The following ATP13A5 variants were observed in gnomAD, a reference collection of about 807,000 sequenced individuals.
ATP13A5 encodes the protein probable cation-transporting ATPase 13A5.
ATP13A5 carries 149 observed loss-of-function variants against 150.2 expected under a neutral mutation model. The observed-to-expected ratio is 0.99, with a 90% CI of 0.87 to 1.14. ATP13A5 has a LOEUF of 1.14. ATP13A5 is among the 50% of genes most tolerant of loss of function. The probability of loss-of-function intolerance (pLI) is 0.00; values close to 1 mark genes in which losing one functional copy is unlikely to be tolerated. For synonymous variants in ATP13A5, 497 were observed against 522.2 expected (o/e 0.95, Z 0.66); for missense variants, 1,383 against 1,449.3 (o/e 0.95, Z 0.74).
At chr3:193,320,141 G>C (rs9827949) in intron 16 of ATP13A5, among the ~76,000 whole-genome samples, 1 of 152,170 alleles carries the variant, frequency 6.6e-6, no homozygotes, top group South Asian at 2.1e-4. Flanking sequence ...AGCTTAGGTG[G>C]CAAATCAACT....
intron 1 of ATP13A5, among the ~76,000 whole-genome samples, chr3:193,373,643 C>T (rs1385837327): frequency 6.6e-6 from 1 of 152,114 alleles, no homozygotes; most frequent in African/African-American, 2.4e-5. Context: ...CATAAATGAA[C>T]CACTTATTTT....
At chr3:193,365,053 T>C (rs1420153851) in intron 1 of ATP13A5, among the ~76,000 whole-genome samples, 2 of 152,178 alleles carry the variant, frequency 1.3e-5, no homozygotes, top group African/African-American at 4.8e-5. Flanking sequence ...TGATGTTTCA[T>C]AGCATTGTTT....
At chr3:193,374,640 GACACACAC>G (rs113705500) in intron 1 of ATP13A5, among the ~76,000 whole-genome samples, 20 of 93,226 alleles carry the variant, frequency 2.1e-4, no homozygotes, top group South Asian at 1.8e-3. Flanking sequence ...GTAAGACCAT[GACACACAC>G]ACACACACAC....
At chr3:193,371,853 A>G (rs1173364200) in intron 1 of ATP13A5, among the ~76,000 whole-genome samples, 2 of 152,118 alleles carry the variant, frequency 1.3e-5, no homozygotes, top group Admixed American at 1.3e-4. Context: ...TGTGGATTAT[A>G]CCTGTAAAGT....
Position 193,345,062 on chromosome 3 carries a change from A to G in ATP13A5, c.755T>C (p.Leu252Pro), listed in dbSNP as rs1272126165. ...VYDLRQQSVK[L>P]HNLVEDHNKV... The stretch of plus-strand genomic sequence containing the variant: ...GTTGTGGTCCTCCACGAGGTTATGC[A>G]GCTTAACTGATTGCTACCAAGTAAA... Residue 252 changes from leucine (L) to proline (P), a missense_variant, in exon 8 of 30, where the codon CTG becomes CCG. Around this residue, in one of 3 missense-constraint regions of ATP13A5, gnomAD observed 787 missense variants for 771.9 expected, o/e 1.02. Coordinates refer to ENST00000342358, the MANE Select transcript of ATP13A5 (RefSeq NM_198505.4). 6.2e-7 allele frequency: 1 copy of G among 1,613,630 alleles called. No individual in the cohort carries two copies. Among genetic ancestry groups the G allele is most frequent in the Non-Finnish European group, 8.5e-7 (1 of 1,179,606 alleles).
Position 193,331,218 on chromosome 3 carries a change from A to T in ATP13A5, c.1366T>A (p.Tyr456Asn). 1 of 1,614,100 alleles carries T rather than the reference A, an allele frequency of 6.2e-7. No individual in the cohort carries two copies. The highest frequency in any genetic ancestry group is 8.5e-7 in the Non-Finnish European group (1 of 1,179,994). ...TTTTTCTTCAGTCTCTTCTGAGCAT[A>T]CACGTTGCCTATGGTCAGGGCAGCT... ...LPAALTIGNV[Y>N]AQKRLKKKKI... Residue 456 changes from tyrosine to asparagine, a missense_variant, in exon 12 of 30, where the codon TAT becomes AAT. Tyr to Asn is a moderately radical substitution (Grantham distance 143). This residue lies in a region of ATP13A5 where 787 missense variants were observed against 771.9 expected (regional missense o/e 1.02). Coordinates refer to ENST00000342358, the MANE Select transcript of ATP13A5 (RefSeq NM_198505.4).
intron 27 of ATP13A5, among the ~76,000 whole-genome samples, chr3:193,283,291 TTAAAAC>T (rs1397622104): frequency 2.0e-5 from 3 of 152,108 alleles, no homozygotes; most frequent in African/African-American, 4.8e-5. Context: ...TAAAAGCACT[TTAAAAC>T]TAATTGTGAT....
At chr3:193,342,108 C>T (rs535851393) in intron 9 of ATP13A5, among the ~76,000 whole-genome samples, 2 of 152,090 alleles carry the variant, frequency 1.3e-5, no homozygotes, top group Admixed American at 6.6e-5. Context: ...AGCTCCTAGT[C>T]TAATTTGTTT....
chr3:193,345,995 A>G (rs1432945008), intron 7 of ATP13A5, among the ~76,000 whole-genome samples: 1 of 152,008 alleles, frequency 6.6e-6, no homozygotes, highest in Non-Finnish European at 1.5e-5. Flanking sequence ...CTCCTTTATG[A>G]ACTGTGGATT....
chr3:193,356,430 G>T (rs1015387830), intron 5 of ATP13A5, among the ~76,000 whole-genome samples: 3 of 152,048 alleles, frequency 2.0e-5, no homozygotes, highest in Admixed American at 2.0e-4. Flanking sequence ...TGTAAAAGGG[G>T]TTTTATAAAA....
intron 7 of ATP13A5, 133 bp from the exon 8 acceptor site, chr3:193,345,208 T>A (rs1480818165): frequency 3.8e-6 from 3 of 785,492 alleles, no homozygotes; most frequent in Non-Finnish European, 6.5e-6. Context: ...CTTCTTTTGA[T>A]GCTTCAGCTT....
At chr3:193,319,191 C>G in intron 16 of ATP13A5, 83 bp from the exon 17 acceptor site, 1 of 944,294 alleles carries the variant, frequency 1.1e-6, no homozygotes, top group Non-Finnish European at 1.6e-6. Context: ...GCCATTGTAC[C>G]TTGTCTTAAC....
intron 27 of ATP13A5, among the ~76,000 whole-genome samples, chr3:193,281,452 T>A (rs912830536): frequency 6.6e-6 from 1 of 152,230 alleles, no homozygotes; most frequent in Non-Finnish European, 1.5e-5. Context: ...TTGCTGCTGC[T>A]GAGGAAACAT....
In ATP13A5 at chr3:193,359,583, G is replaced by T. The variant is rs61528500; in HGVS notation, c.536+2798C>A. On this transcript the variant is annotated intron_variant, in intron 5 of 29. Transcript: ENST00000342358. ...CTCTCAATGCTGTGGTAAACATTGA[G>T]AATTAAATTTGGCCTTGCAGAATCA... Among the ~76,000 whole-genome samples, 757 of 152,316 alleles carry T rather than the reference G, an allele frequency of 5.0e-3. 5 individuals are homozygous for T. The highest frequency in any genetic ancestry group is 0.017 in the African/African-American group (715 of 41,574).
chr3:193,372,522 T>C (rs1242970874), intron 1 of ATP13A5, among the ~76,000 whole-genome samples: 1 of 151,970 alleles, frequency 6.6e-6, no homozygotes, highest in African/African-American at 2.4e-5. Flanking sequence ...TCTCTAAGTA[T>C]GAGTTTTAGA....
chr3:193,372,729 AC>A (rs1349275430), intron 1 of ATP13A5, among the ~76,000 whole-genome samples: 1 of 152,208 alleles, frequency 6.6e-6, no homozygotes, highest in Admixed American at 6.5e-5. Flanking sequence ...CAACTACCAA[AC>A]CCAAGTCACT....
rs757322256 is a variant in ATP13A5 at position 193,363,320 on chromosome 3, A to G, written c.300T>C (p.Phe100=). Residue 100 remains phenylalanine, a synonymous_variant, in exon 3 of 30, where the codon TTT becomes TTC. Coordinates refer to ENST00000342358, the MANE Select transcript of ATP13A5 (RefSeq NM_198505.4). ...ATTCTTCCCACTTCTTGCTTACAGG[A>G]AACTTCAGTGTGGATAAGTAGAGGC... The part of the protein sequence containing the change: ...VFCLYLSTLK[F]PVSKKWEESL... 1 of 1,613,970 alleles carries G rather than the reference A, an allele frequency of 6.2e-7. No homozygotes were observed.
chr3:193,350,992 C>A lies in ATP13A5; in HGVS notation c.741+75G>T, dbSNP rs894307677. ...ATGGTTGACAAAGCAACTCCTGGCT[C>A]TCAGTGGAAATACCATGGGCTTTAC... On this transcript the variant is annotated intron_variant, in intron 7 of 29. Coordinates refer to ENST00000342358, the MANE Select transcript of ATP13A5 (RefSeq NM_198505.4). 2.0e-5 allele frequency: 31 copies of A among 1,532,012 alleles called. No individual in the cohort carries two copies. The Admixed American group carries it at 5.8e-4, about 29-fold the overall frequency. 94.9% of individuals were successfully genotyped at this position (1,532,012 alleles called of 1,614,324 possible).
intron 7 of ATP13A5, among the ~76,000 whole-genome samples, chr3:193,349,772 G>T (rs186171910): frequency 2.6e-5 from 4 of 152,126 alleles, no homozygotes; most frequent in African/African-American, 9.6e-5. Flanking sequence ...GAATCCAGGG[G>T]AAATAAACAC....
Sources: gnomAD v4.1 joint callset for allele counts (sites outside exome capture counted in the v4.1 genomes callset) on GRCh38, gnomAD v4.1.1 for gene constraint, gnomAD v4.1.1 regional missense constraint, MANE v1.5 for transcripts, NCBI Gene and HGNC (gene_info 2026-07-23, HGNC 2026-07-21) for gene names.